Variants in FARP1 observed in about 807,000 individuals in gnomAD.
FARP1 encodes FERM, ARH/RhoGEF and pleckstrin domain protein 1.
FARP1 carries 52 observed loss-of-function variants against 128.8 expected under a neutral mutation model. That is an observed-to-expected ratio of 0.40 (90% confidence interval 0.32 to 0.51). The LOEUF is 0.51. Ranked by LOEUF, FARP1 falls within the 20% of genes least tolerant of loss-of-function variation. The probability of loss-of-function intolerance (pLI) is 0.45; values close to 1 mark genes in which losing one functional copy is unlikely to be tolerated. For missense variants in FARP1, 1,333 were observed against 1,367.9 expected, an observed-to-expected ratio of 0.97 and a Z score of 0.40; for synonymous variants, 580 against 551.8, an observed-to-expected ratio of 1.05 and a Z score of -0.72.
chr13:98,330,440 G>A (rs1228134293), intron 2 of FARP1, among the ~76,000 whole-genome samples: 4 of 152,102 alleles, frequency 2.6e-5, no homozygotes, highest in Non-Finnish European at 5.9e-5. Flanking sequence ...TTAAATGCAG[G>A]CAGAGAAATT....
At chr13:98,373,519 G>A (rs1475754656) in intron 5 of FARP1, among the ~76,000 whole-genome samples, 3 of 127,278 alleles carry the variant, frequency 2.4e-5, no homozygotes, top group African/African-American at 9.0e-5. Context: ...TGACTTTCCA[G>A]AGACAGACAG....
intron 3 of FARP1, among the ~76,000 whole-genome samples, chr13:98,360,989 T>C (rs1888847329): frequency 6.6e-6 from 1 of 152,210 alleles, no homozygotes; most frequent in Non-Finnish European, 1.5e-5. Flanking sequence ...TTCTGTGTGC[T>C]TAGGATGCGG....
intron 13 of FARP1, chr13:98,402,296 C>G (rs1272675866): frequency 6.6e-6 from 1 of 152,368 alleles, no homozygotes; most frequent in African/African-American, 2.4e-5. Flanking sequence ...GCGAGGACTA[C>G]CGGGCAGGTG....
intron 1 of FARP1, among the ~76,000 whole-genome samples, chr13:98,200,463 G>C (rs571023444): frequency 6.8e-6 from 1 of 147,102 alleles, no homozygotes; most frequent in South Asian, 2.2e-4. Flanking sequence ...TAATGAGCTC[G>C]CAGGTGATGT....
chr13:98,200,688 CCTTGGAAAAGG>C (rs1198740083), intron 1 of FARP1, among the ~76,000 whole-genome samples: 2 of 152,036 alleles, frequency 1.3e-5, no homozygotes, highest in African/African-American at 4.8e-5. Context: ...CTCGGGACTC[CCTTGGAAAAGG>C]CTTGGAAAAG....
intron 2 of FARP1, among the ~76,000 whole-genome samples, chr13:98,300,874 T>C (rs1885896362): frequency 1.3e-5 from 2 of 152,172 alleles, no homozygotes; most frequent in African/African-American, 4.8e-5. Flanking sequence ...TCCATGGCCT[T>C]GGAGAGTTAC....
At chr13:98,170,443 A>C (rs1877575308) in intron 1 of FARP1, among the ~76,000 whole-genome samples, 1 of 151,636 alleles carries the variant, frequency 6.6e-6, no homozygotes, top group African/African-American at 2.4e-5. Context: ...TGCAGCCTCC[A>C]CCTCCCGGGT....
Position 98,350,406 on chromosome 13 carries a change from C to T in FARP1, c.276+6540C>T, listed in dbSNP as rs560347735. On this transcript the variant is annotated intron_variant, in intron 3 of 26. Transcript: ENST00000319562. ...TCCTATATACTGTTCCCGCTCTGTC[C>T]GTACTTACAGTGTCCCCCGTTACTG... Among the ~76,000 whole-genome samples the T allele has an allele frequency of 1.1e-4, 16 of 152,268 alleles. No individual in the cohort carries two copies. In the South Asian group the frequency reaches 2.5e-3, roughly 24 times the overall value.
At chr13:98,409,652 C>T (rs1230367397) in intron 14 of FARP1, 127 bp downstream of exon 14, 2 of 778,454 alleles carry the variant, frequency 2.6e-6, no homozygotes, top group African/African-American at 3.5e-5. Context: ...AAGTGTACAG[C>T]TTGCTGGCAT....
chr13:98,288,178 G>A (rs966321362), intron 2 of FARP1, among the ~76,000 whole-genome samples: 6 of 152,172 alleles, frequency 3.9e-5, no homozygotes, highest in African/African-American at 1.4e-4. Flanking sequence ...GCTTAGGGTC[G>A]CTGGGGGAGG....
chr13:98,418,056 A>G (rs1345198605), intron 16 of FARP1, among the ~76,000 whole-genome samples: 3 of 152,052 alleles, frequency 2.0e-5, no homozygotes, highest in African/African-American at 7.2e-5. Flanking sequence ...TTATGTTTTT[A>G]TTAGTTTTTT....
chr13:98,305,875 G>C (rs1325375476), intron 2 of FARP1, among the ~76,000 whole-genome samples: 4 of 143,314 alleles, frequency 2.8e-5, no homozygotes, highest in African/African-American at 1.0e-4. Context: ...TTTTTTTCTT[G>C]CACTTTCATC....
chr13:98,378,909 A>ATATT (rs59298355), intron 6 of FARP1, among the ~76,000 whole-genome samples: 3 of 82,472 alleles, frequency 3.6e-5, no homozygotes, highest in Non-Finnish European at 7.5e-5. Flanking sequence ...ATATATATAT[A>ATATT]ATATATATAT....
At chr13:98,158,830 T>C (rs1594211172) in intron 1 of FARP1, among the ~76,000 whole-genome samples, 1 of 152,056 alleles carries the variant, frequency 6.6e-6, no homozygotes, top group Non-Finnish European at 1.5e-5. Flanking sequence ...GCAGAGGTGG[T>C]TGTGTCTTCC....
At chr13:98,398,335 TA>T (rs1890634342) in intron 13 of FARP1, 1 of 152,224 alleles carries the variant, frequency 6.6e-6, no homozygotes, top group African/African-American at 2.4e-5. Flanking sequence ...TTTATATATT[TA>T]ACCAGAATCA....
At chr13:98,278,374 G>A (rs372657302) in intron 2 of FARP1, among the ~76,000 whole-genome samples, 5 of 152,022 alleles carry the variant, frequency 3.3e-5, no homozygotes, top group African/African-American at 9.7e-5. Flanking sequence ...GTTTAAGTGC[G>A]TGTTTGTGTG....
chr13:98,182,158 G>A (rs1195079268), intron 1 of FARP1, among the ~76,000 whole-genome samples: 1 of 152,010 alleles, frequency 6.6e-6, no homozygotes, highest in Non-Finnish European at 1.5e-5. Flanking sequence ...ATTTTACAGT[G>A]TGAAGGATTG....
intron 13 of FARP1, chr13:98,396,264 G>A (rs1043407983): frequency 5.8e-5 from 23 of 399,082 alleles, no homozygotes; most frequent in African/African-American, 4.1e-4. Context: ...GAGGCATGGC[G>A]GGGCAGCTGG....
At chr13:98,410,967 A>C in intron 15 of FARP1, 144 bp downstream of exon 15, 1 of 500,074 alleles carries the variant, frequency 2.0e-6, no homozygotes, top group South Asian at 4.0e-5. Context: ...ATAGAAATTA[A>C]ATGCTAATAG....
Sources: allele counts gnomAD v4.1 joint callset (sites outside exome capture counted in the v4.1 genomes callset), GRCh38; gene constraint gnomAD v4.1.1; transcripts MANE v1.5; gene names NCBI Gene and HGNC (gene_info 2026-07-23, HGNC 2026-07-21).